ATRN: variants seen among roughly 807,000 people sequenced by gnomAD.
The protein encoded by ATRN is attractin-2.
In ATRN, 54 loss-of-function variants were observed where a neutral mutation model predicts 178.7. The observed-to-expected ratio is 0.30, with a 90% CI of 0.24 to 0.38. The LOEUF (loss-of-function observed/expected upper bound fraction) is 0.38, where lower values mean the gene tolerates loss of function less well. Among genes scored for constraint, ATRN ranks in the 10% least tolerant of loss-of-function variants. ATRN has a pLI of 1.00. For missense variants in ATRN, 1,443 were observed against 1,815.1 expected, an observed-to-expected ratio of 0.79 and a Z score of 3.73; for synonymous variants, 636 against 663.0, an observed-to-expected ratio of 0.96 and a Z score of 0.63.
intron 12 of ATRN, 75 bp downstream of exon 12, chr20:3,573,026 C>T: frequency 7.8e-7 from 1 of 1,277,650 alleles, no homozygotes; most frequent in Non-Finnish European, 1.1e-6. Context: ...AGGAACTTAG[C>T]ATATGTATAC....
At chr20:3,550,490 G>C (rs1035755796) in intron 6 of ATRN, among the ~76,000 whole-genome samples, 3 of 152,060 alleles carry the variant, frequency 2.0e-5, no homozygotes, top group African/African-American at 7.2e-5. Context: ...GCCTTTGTTC[G>C]AGCCCTTTAA....
chr20:3,626,503 G>A (rs1340027632), intron 25 of ATRN, among the ~76,000 whole-genome samples: 1 of 152,046 alleles, frequency 6.6e-6, no homozygotes, highest in Non-Finnish European at 1.5e-5. Flanking sequence ...CTAGAGTATT[G>A]ATAATATTAT....
intron 1 of ATRN, among the ~76,000 whole-genome samples, chr20:3,506,620 A>C (rs868197252): frequency 1.3e-5 from 2 of 149,500 alleles, no homozygotes; most frequent in Admixed American, 6.8e-5. Context: ...GTGAGACTAC[A>C]TCTCAAAAAA....
intron 11 of ATRN, among the ~76,000 whole-genome samples, chr20:3,567,964 A>C (rs1482273111): frequency 1.3e-5 from 2 of 152,208 alleles, no homozygotes; most frequent in East Asian, 1.9e-4. Flanking sequence ...TAGCCTGCTT[A>C]ATGTGGTACT....
rs1341505299 is a variant in ATRN at position 3,535,284 on chromosome 20, G to A, written c.442G>A (p.Gly148Arg). The part of the protein sequence containing the change: ...LTGSSGFVTD[G>R]PGNYKYKTKC... The stretch of plus-strand genomic sequence containing the variant: ...TGGATCTTCTGGGTTTGTGACAGAT[G>A]GACCTGGAAATTATAAATACAAAAC... Residue 148 changes from glycine to arginine, a missense_variant, in exon 2 of 29, where the codon GGA becomes AGA. Coordinates refer to ENST00000262919, the MANE Select transcript of ATRN (RefSeq NM_139321.3). 1 of 1,544,124 alleles carries A rather than the reference G, an allele frequency of 6.5e-7. No individual in the cohort carries two copies. The highest frequency in any genetic ancestry group is 8.8e-7 in the Non-Finnish European group (1 of 1,138,012).
At chr20:3,480,084 G>A (rs1342973885) in intron 1 of ATRN, among the ~76,000 whole-genome samples, 1 of 152,194 alleles carries the variant, frequency 6.6e-6, no homozygotes, top group Non-Finnish European at 1.5e-5. Context: ...TAACTTGTGA[G>A]GGGTGTAATG....
chr20:3,497,852 T>G (rs983288885), intron 1 of ATRN, among the ~76,000 whole-genome samples: 31 of 152,218 alleles, frequency 2.0e-4, no homozygotes, highest in Admixed American at 7.9e-4. Flanking sequence ...TTGGAGGCTT[T>G]GCTCGTTTCT....
intron 24 of ATRN, among the ~76,000 whole-genome samples, chr20:3,604,867 C>T (rs2086657663): frequency 6.6e-6 from 1 of 152,160 alleles, no homozygotes; most frequent in African/African-American, 2.4e-5. Flanking sequence ...GTCTTGTTAG[C>T]CTGCTCCTTT....
Position 3,624,502 on chromosome 20 carries a change from C to T in ATRN, c.3802-9C>T, listed in dbSNP as rs778397418. 6.2e-7 allele frequency: 1 copy of T among 1,612,050 alleles called. No individual in the cohort carries two copies. Among genetic ancestry groups the T allele is most frequent in the South Asian group, 1.1e-5 (1 of 90,922 alleles). ...CTGCATAATCACACTACCTGTTTTT[C>T]TGTCACAGATTGCCTTCTCTCAGCA... On this transcript the variant is annotated splice_polypyrimidine_tract_variant and intron_variant, in intron 24 of 28. Transcript: ENST00000262919.
At chr20:3,551,196 G>A (rs2085781590) in intron 6 of ATRN, among the ~76,000 whole-genome samples, 1 of 152,204 alleles carries the variant, frequency 6.6e-6, no homozygotes, top group African/African-American at 2.4e-5. Context: ...TCCCCAGGAT[G>A]TCCCCTAGTG....
At chr20:3,563,183 T>C in intron 9 of ATRN, 26 bp from the exon 10 acceptor site, 2 of 1,587,120 alleles carry the variant, frequency 1.3e-6, no homozygotes, top group Non-Finnish European at 1.7e-6. Context: ...AACCTTGTAT[T>C]TATTATTTCT....
At chr20:3,594,236 T>C (rs934119871) in intron 19 of ATRN, among the ~76,000 whole-genome samples, 1 of 152,224 alleles carries the variant, frequency 6.6e-6, no homozygotes, top group South Asian at 2.1e-4. Flanking sequence ...TAGTCATTGC[T>C]TCAGAAGGCA....
At position 3,541,234 on chromosome 20, in the gene ATRN, C is replaced by T. The variant is rs937613635; in HGVS notation, c.608+899C>T. Reference sequence around the variant, plus strand: ...CTGGGACTACAGGCGCCCGCTACCACGCCCGGCTAATTTTTTGTATTTTTA... The same window carrying T: ...CTGGGACTACAGGCGCCCGCTACCATGCCCGGCTAATTTTTTGTATTTTTA... On this transcript the variant is annotated intron_variant, in intron 3 of 28. Transcript: ENST00000262919. Among the ~76,000 whole-genome samples, 19 of 151,808 alleles carry T rather than the reference C, an allele frequency of 1.3e-4. No individual in the cohort carries two copies. In the East Asian group the frequency reaches 2.9e-3, roughly 23 times the overall value.
chr20:3,503,361 T>G (rs2084990133), intron 1 of ATRN, among the ~76,000 whole-genome samples: 1 of 152,064 alleles, frequency 6.6e-6, no homozygotes, highest in Non-Finnish European at 1.5e-5. Flanking sequence ...AACCACAAAT[T>G]GAATCAGAAA....
At chr20:3,478,471 A>G (rs564838180) in intron 1 of ATRN, among the ~76,000 whole-genome samples, 8 of 152,260 alleles carry the variant, frequency 5.3e-5, no homozygotes, top group Non-Finnish European at 7.4e-5. Context: ...CAGAAAACCA[A>G]ACACCGCATG....
chr20:3,515,348 G>A (rs1245786450), intron 1 of ATRN, among the ~76,000 whole-genome samples: 2 of 152,152 alleles, frequency 1.3e-5, no homozygotes, highest in East Asian at 3.9e-4. Context: ...CACCTACCTA[G>A]TGAATTAGGC....
At chr20:3,625,443 G>A (rs2086930479) in intron 25 of ATRN, among the ~76,000 whole-genome samples, 1 of 152,198 alleles carries the variant, frequency 6.6e-6, no homozygotes, top group South Asian at 2.1e-4. Flanking sequence ...TTTTTGGGTA[G>A]AAGGATCATT....
At chr20:3,577,142 T>C in intron 14 of ATRN, 145 bp downstream of exon 14, 1 of 1,045,682 alleles carries the variant, frequency 9.6e-7, no homozygotes, top group Non-Finnish European at 1.3e-6. Context: ...ATGGGCTTTT[T>C]TGTTTTTAAC....
chr20:3,530,144 G>A (rs1335538936), intron 1 of ATRN, among the ~76,000 whole-genome samples: 1 of 150,450 alleles, frequency 6.6e-6, no homozygotes, highest in Admixed American at 6.6e-5. Flanking sequence ...CCATAATCTT[G>A]TATGGCTAAA....
Sources: allele counts gnomAD v4.1 joint callset (sites outside exome capture counted in the v4.1 genomes callset), GRCh38; gene constraint gnomAD v4.1.1; transcripts MANE v1.5; gene names NCBI Gene and HGNC (gene_info 2026-07-23, HGNC 2026-07-21).